SEPTIN7: variants seen among roughly 807,000 people sequenced by gnomAD.
The protein encoded by SEPTIN7 is septin 7, also known as septin-7.
SEPTIN7 carries 10 observed loss-of-function variants against 63.3 expected under a neutral mutation model. The observed-to-expected ratio is 0.16, with a 90% CI of 0.10 to 0.27. SEPTIN7 has a LOEUF of 0.27. Among genes scored for constraint, SEPTIN7 ranks in the 10% least tolerant of loss-of-function variants. SEPTIN7 has a pLI of 1.00. For missense variants in SEPTIN7, 310 were observed against 521.0 expected (o/e 0.59, Z 3.94); for synonymous variants, 131 against 165.3 (o/e 0.79, Z 1.59).
intron 1 of SEPTIN7, chr7:35,831,291 T>C: frequency 5.3e-6 from 1 of 187,682 alleles, no homozygotes; most frequent in South Asian, 8.8e-5. Context: ...AATTTCTTTG[T>C]AATTTACCTC....
chr7:35,880,859 C>A (rs1190520805), intron 7 of SEPTIN7, among the ~76,000 whole-genome samples: 1 of 152,054 alleles, frequency 6.6e-6, no homozygotes, highest in Non-Finnish European at 1.5e-5. Flanking sequence ...TACACAGTCA[C>A]ACATATTTCT....
At chr7:35,825,130 T>C (rs1182306071) in intron 1 of SEPTIN7, among the ~76,000 whole-genome samples, 1 of 152,162 alleles carries the variant, frequency 6.6e-6, no homozygotes, top group Non-Finnish European at 1.5e-5. Context: ...CTCCAGTTCA[T>C]CATCAATATT....
rs193209824 is a variant in SEPTIN7, at chr7:35,837,062, A to G, written c.169+4162A>G. 2.5e-3 allele frequency among the ~76,000 whole-genome samples: 378 copies of G among 152,328 alleles called. 2 individuals are homozygous for G. The highest frequency in any genetic ancestry group is 8.6e-3 in the African/African-American group (357 of 41,588). On this transcript the variant is annotated intron_variant, in intron 3 of 13. Coordinates refer to ENST00000350320, the MANE Select transcript of SEPTIN7 (RefSeq NM_001788.6). The stretch of plus-strand genomic sequence containing the variant: ...AGAAAGTTTAGAAGAAAAAAATCAC[A>G]TAATTCCACATGTCCACTATTTTAA...
intron 1 of SEPTIN7, among the ~76,000 whole-genome samples, chr7:35,811,789 C>T (rs899954946): frequency 2.6e-5 from 4 of 151,760 alleles, no homozygotes; most frequent in South Asian, 2.1e-4. Flanking sequence ...TTCGGGAGGC[C>T]GAGGCGGGTG....
At chr7:35,858,661 A>T (rs1785336902) in intron 3 of SEPTIN7, among the ~76,000 whole-genome samples, 1 of 139,920 alleles carries the variant, frequency 7.1e-6, no homozygotes, top group Non-Finnish European at 1.5e-5. Context: ...GCCGATTTCT[A>T]TTCTTTTGGT....
chr7:35,902,936 C>T (rs1788409308), intron 12 of SEPTIN7, 140 bp from the exon 13 acceptor site: 1 of 1,258,376 alleles, frequency 7.9e-7, no homozygotes, highest in East Asian at 3.0e-5. Flanking sequence ...GACCAGAGTA[C>T]TTCCAGGTAG....
chr7:35,874,910 A>T (rs1324035709), intron 6 of SEPTIN7, among the ~76,000 whole-genome samples: 1 of 152,150 alleles, frequency 6.6e-6, no homozygotes, highest in Non-Finnish European at 1.5e-5. Context: ...ATAACCTTTT[A>T]TGAGTATTTG....
At chr7:35,909,841 C>A (rs558177598), downstream of SEPTIN7, among the ~76,000 whole-genome samples, 11 of 152,330 alleles carry the variant, frequency 7.2e-5, no homozygotes, top group South Asian at 4.1e-4. Flanking sequence ...AAAATTTAAA[C>A]CACAACAATC....
intron 1 of SEPTIN7, among the ~76,000 whole-genome samples, chr7:35,825,652 C>T (rs1297866775): frequency 6.6e-5 from 10 of 152,184 alleles, no homozygotes; most frequent in South Asian, 2.1e-4. Flanking sequence ...GCTTCTTGAG[C>T]AGGGATCTTG....
At chr7:35,835,402 C>G (rs778786107) in intron 3 of SEPTIN7, among the ~76,000 whole-genome samples, 4 of 152,126 alleles carry the variant, frequency 2.6e-5, no homozygotes, top group African/African-American at 4.8e-5. Context: ...TGCTAACTTA[C>G]GATTCTTACA....
rs1273608778 is a variant in SEPTIN7, at chr7:35,905,310, T to C, written c.*1017T>C. 12 of 152,636 alleles carry C rather than the reference T, an allele frequency of 7.9e-5. No individual in the cohort carries two copies. Among genetic ancestry groups the C allele is most frequent in the Non-Finnish European group, 1.6e-4 (11 of 68,034 alleles). The allele number at this position is 152,636 out of a possible 1,614,324, so 9.5% of individuals were successfully genotyped here. A position where few individuals can be genotyped will look rare whatever the true frequency, so the allele number is the denominator to read the frequency against. ...TAATAAACGATGTTGTGATGTAATA[T>C]TGTGTGAGGTCTTAAATATCCTACA... On this transcript the variant is annotated 3_prime_UTR_variant, in exon 14 of 14. Transcript: ENST00000350320.
At chr7:35,873,877 C>A (rs1049877153) in intron 6 of SEPTIN7, 102 bp downstream of exon 6, 3 of 1,098,832 alleles carry the variant, frequency 2.7e-6, no homozygotes, top group Non-Finnish European at 4.0e-6. Flanking sequence ...GTACACACAA[C>A]TATAGCCATT....
At chr7:35,915,326 G>A in the SEPTIN7 span, among the ~76,000 whole-genome samples, 1 of 152,074 alleles carries the variant, frequency 6.6e-6, no homozygotes, top group African/African-American at 2.4e-5. Flanking sequence ...CACACTTCTG[G>A]AATTGGGTAG....
intron 7 of SEPTIN7, among the ~76,000 whole-genome samples, chr7:35,880,988 C>G (rs1227662778): frequency 6.6e-6 from 1 of 152,004 alleles, no homozygotes; most frequent in Non-Finnish European, 1.5e-5. Flanking sequence ...ACCACAGCAG[C>G]TTTATATAAT....
chr7:35,885,945 T>C (rs1787214273), intron 10 of SEPTIN7, 66 bp downstream of exon 10: 2 of 1,131,472 alleles, frequency 1.8e-6, no homozygotes, highest in East Asian at 4.9e-5. Flanking sequence ...TGGACAGATT[T>C]ACTTTTTGCC....
At chr7:35,887,813 G>T (rs1787358017) in intron 10 of SEPTIN7, among the ~76,000 whole-genome samples, 1 of 152,192 alleles carries the variant, frequency 6.6e-6, no homozygotes, top group Non-Finnish European at 1.5e-5. Flanking sequence ...TTATTAAAAA[G>T]ATGTGTATTT....
intron 11 of SEPTIN7, 130 bp from the exon 12 acceptor site, chr7:35,898,118 G>C: frequency 1.7e-6 from 1 of 588,908 alleles, no homozygotes; most frequent in East Asian, 3.2e-5. Context: ...AATATGGAAA[G>C]AAGTTCTAGG....
At chr7:35,886,050 A>C (rs984136074) in intron 10 of SEPTIN7, among the ~76,000 whole-genome samples, 171 bp downstream of exon 10, 38 of 152,258 alleles carry the variant, frequency 2.5e-4, no homozygotes, top group African/African-American at 8.7e-4. Context: ...TTTTGAAGTC[A>C]TGAGCAAAAG....
In SEPTIN7 at chr7:35,895,997, G is replaced by A. The variant is rs529403851; in HGVS notation, c.999-2251G>A. ...GGCTAATTTTTGTATTTTTAGTAAA[G>A]ATGGAGTTTCACCATGTTGGCCACG... On this transcript the variant is annotated intron_variant, in intron 11 of 13. Transcript: ENST00000350320. Among the ~76,000 whole-genome samples the A allele has an allele frequency of 5.3e-4, 80 of 152,236 alleles. No homozygotes were observed. The Middle Eastern group carries it at 0.014, about 26-fold the overall frequency.
Sources: allele counts gnomAD v4.1 joint callset (sites outside exome capture counted in the v4.1 genomes callset), GRCh38; gene constraint gnomAD v4.1.1; transcripts MANE v1.5; gene names NCBI Gene and HGNC (gene_info 2026-07-23, HGNC 2026-07-21).